Variants in ABCB8 observed in about 807,000 individuals in gnomAD.
The protein encoded by ABCB8 is mitochondrial potassium channel ATP-binding subunit.
In ABCB8, 52 loss-of-function variants were observed where a neutral mutation model predicts 73.0. The observed-to-expected ratio is 0.71, with a 90% CI of 0.57 to 0.90. The LOEUF (loss-of-function observed/expected upper bound fraction) is 0.90. Among genes scored for constraint, ABCB8 ranks in the 40% least tolerant of loss-of-function variants. ABCB8 has a pLI of 0.00. For missense variants in ABCB8, 909 were observed against 974.6 expected, an observed-to-expected ratio of 0.93 and a Z score of 0.90; for synonymous variants, 428 against 423.5, an observed-to-expected ratio of 1.01 and a Z score of -0.13.
intron 14 of ABCB8, among the ~76,000 whole-genome samples, chr7:151,042,313 C>G (rs1338587573): frequency 6.6e-6 from 1 of 152,152 alleles, no homozygotes; most frequent in African/African-American, 2.4e-5. Context: ...TGGTTCAGAA[C>G]CAGCAGACCA....
At position 151,033,899 on chromosome 7, in the gene ABCB8, C is replaced by G. The variant is rs762616916; in HGVS notation, c.390C>G (p.Val130=). The part of the protein sequence containing the change: ...FWQFLHPHLL[V]LGVAVVLALG... Reference sequence around the variant, plus strand: ...AGTTTCTGCACCCCCACCTGCTGGTCCTGGGGGTAGCCGTCGTGGTGAGGC... The same window carrying G: ...AGTTTCTGCACCCCCACCTGCTGGTGCTGGGGGTAGCCGTCGTGGTGAGGC... Residue 130 remains valine, a synonymous_variant, in exon 2 of 16, where the codon GTC becomes GTG. Transcript: ENST00000358849. 4 of 1,602,650 alleles carry G rather than the reference C, an allele frequency of 2.5e-6. No individual in the cohort carries two copies. The highest frequency in any genetic ancestry group is 8.5e-7 in the Non-Finnish European group (1 of 1,172,980).
rs752762508 is a variant in ABCB8, at chr7:151,033,931, C to T, written c.408+14C>T. The T allele has an allele frequency of 9.5e-6, 15 of 1,571,554 alleles. No homozygotes were observed. Among genetic ancestry groups the T allele is most frequent in the Non-Finnish European group, 1.3e-5 (15 of 1,158,432 alleles). ...GTAGCCGTCGTGGTGAGGCTTTCCC[C>T]ACTTCTCCATCCTGGGGACAGGGCA... On this transcript the variant is annotated intron_variant, in intron 2 of 15. Coordinates refer to ENST00000358849, the MANE Select transcript of ABCB8 (RefSeq NM_007188.5).
chr7:151,040,377 A>T, intron 10 of ABCB8, 76 bp downstream of exon 10: 1 of 1,596,726 alleles, frequency 6.3e-7, no homozygotes, highest in Non-Finnish European at 8.5e-7. Context: ...CTGCCTATTG[A>T]CTGGGTGTGG....
intron 1 of ABCB8, chr7:151,028,884 C>G: frequency 6.6e-7 from 1 of 1,505,294 alleles, no homozygotes; most frequent in South Asian, 1.2e-5. Context: ...GCACTCCCGA[C>G]CGGGGGTCCC....
chr7:151,043,565 A>G (rs1413411088), intron 14 of ABCB8, among the ~76,000 whole-genome samples: 12 of 112,548 alleles, frequency 1.1e-4, no homozygotes, highest in South Asian at 3.2e-4. Context: ...AGGGTCAGAG[A>G]CAGGACTAGG....
chr7:151,028,793 G>A (rs1192975436), intron 1 of ABCB8, 183 bp downstream of exon 1: 4 of 1,545,248 alleles, frequency 2.6e-6, no homozygotes, highest in African/African-American at 1.4e-5. Flanking sequence ...CACTCCAGTC[G>A]CCAGCAGGAG....
At chr7:151,040,019 C>T in intron 9 of ABCB8, 1 of 499,636 alleles carries the variant, frequency 2.0e-6, no homozygotes. Context: ...TCGTGGAGCA[C>T]CCCCTCCCAG....
chr7:151,039,637 A>C (rs999080297), intron 9 of ABCB8: 2 of 152,338 alleles, frequency 1.3e-5, no homozygotes, highest in African/African-American at 4.8e-5. Context: ...CTCATGAGAA[A>C]AATTTTTTTC....
chr7:151,037,514 C>T, intron 9 of ABCB8: 1 of 597,130 alleles, frequency 1.7e-6, no homozygotes, highest in Non-Finnish European at 3.0e-6. Flanking sequence ...TATCTCTTTC[C>T]AAGCTAAACA....
rs1796584107 is a variant in ABCB8, at chr7:151,045,281, G to T, written c.2089G>T (p.Ala697Ser). The T allele has an allele frequency of 1.2e-6, 2 of 1,605,416 alleles. No individual in the cohort carries two copies. Among genetic ancestry groups the T allele is most frequent in the Admixed American group, 3.4e-5 (2 of 59,046 alleles). The change falls in exon 16 of 16, where the codon GCC becomes TCC. Residue 697 changes from alanine to serine, a missense_variant. Transcript: ENST00000358849. ...GCTCATCCGGAGGCAGGCCCTGGAT[G>T]CCCCGAGGACAGCGGCCCCACCGCC... ...AELIRRQALD[A>S]PRTAAPPPKK...
In ABCB8 at chr7:151,031,372, G is replaced by A. The variant is rs111797986; in HGVS notation, c.96-2233G>A. The A allele has an allele frequency of 1.1e-3, 1,706 of 1,502,960 alleles. 16 individuals are homozygous for A. The African/African-American group carries it at 0.021, about 19-fold the overall frequency. 93.1% of individuals were successfully genotyped at this position (1,502,960 alleles called of 1,614,324 possible). A position where few individuals can be genotyped will look rare whatever the true frequency, so the allele number is the denominator to read the frequency against. On this transcript the variant is annotated intron_variant, in intron 1 of 15. Transcript: ENST00000358849. ...AAAACCTGGCAGTTGGAATGGGGTG[G>A]GAGAAGGCCTCATGTAGGCAAAAGG... is the stretch of plus-strand genomic sequence containing the variant.
chr7:151,029,360 ACT>A (rs1276184624), intron 1 of ABCB8, among the ~76,000 whole-genome samples: 2 of 151,718 alleles, frequency 1.3e-5, no homozygotes, highest in African/African-American at 4.9e-5. Context: ...TTCGCAAAAC[ACT>A]CTACACAGGT....
chr7:151,030,251 C>T (rs981109161), intron 1 of ABCB8, among the ~76,000 whole-genome samples: 8 of 152,350 alleles, frequency 5.3e-5, no homozygotes, highest in East Asian at 3.9e-4. Context: ...CACGGTGGCT[C>T]ACGCCTGTAA....
At position 151,036,190 on chromosome 7, in the gene ABCB8, G is replaced by A. The variant is rs756142033; in HGVS notation, c.1111+20G>A. The A allele has an allele frequency of 6.3e-7, 1 of 1,587,276 alleles. No individual in the cohort carries two copies. Among genetic ancestry groups the A allele is most frequent in the African/African-American group, 1.3e-5 (1 of 74,520 alleles). On this transcript the variant is annotated intron_variant, in intron 8 of 15. Transcript: ENST00000358849. The stretch of plus-strand genomic sequence containing the variant: ...TCAACTGTGAGTGAGCCATTTGGGG[G>A]CTGGAGGGGCGCTTGTGGGCTGGGG...
At position 151,045,898 on chromosome 7, in the gene ABCB8, G is replaced by A. The variant is rs4148853; in HGVS notation, c.*549G>A. The A allele has an allele frequency of 0.21, 31,512 of 152,234 alleles. 3,603 individuals are homozygous for A. Among genetic ancestry groups the A allele is most frequent in the Admixed American group, 0.35 (5,387 of 15,292 alleles). 9.4% of individuals were successfully genotyped at this position (152,234 alleles called of 1,614,324 possible). On this transcript the variant is annotated 3_prime_UTR_variant, in exon 16 of 16. Coordinates refer to ENST00000358849, the MANE Select transcript of ABCB8 (RefSeq NM_007188.5). Reference sequence around the variant, plus strand: ...AGGAGCCTATCCCCTGGCTCACCCCGGGACCCACAGTCCCCATCTTCCAAA... The same window carrying A: ...AGGAGCCTATCCCCTGGCTCACCCCAGGACCCACAGTCCCCATCTTCCAAA...
chr7:151,040,447 G>A (rs1796424380), intron 10 of ABCB8, 51 bp from the exon 11 acceptor site: 4 of 1,584,562 alleles, frequency 2.5e-6, no homozygotes, highest in South Asian at 2.3e-5. Context: ...TGGAGATGCT[G>A]TTGTCACCCC....
At chr7:151,030,662 G>T (rs537037518) in intron 1 of ABCB8, among the ~76,000 whole-genome samples, 2 of 150,752 alleles carry the variant, frequency 1.3e-5, no homozygotes, top group African/African-American at 4.9e-5. Flanking sequence ...AAACTTAGCC[G>T]GGTGCGTTGG....
At position 151,046,085 on chromosome 7, in the gene ABCB8, C is replaced by T. The variant is rs1226029159; in HGVS notation, c.*736C>T. On this transcript the variant is annotated 3_prime_UTR_variant, in exon 16 of 16. Coordinates refer to ENST00000358849, the MANE Select transcript of ABCB8 (RefSeq NM_007188.5). ...GCCAGTTCCCACGAGAAGCGCCAGC[C>T]TGCCTGGCTGTCTTCCACCGGCCCT... is the stretch of plus-strand genomic sequence containing the variant. The T allele has an allele frequency of 1.3e-5, 2 of 152,306 alleles. No individual in the cohort carries two copies. Among genetic ancestry groups the T allele is most frequent in the Non-Finnish European group, 2.9e-5 (2 of 68,082 alleles). 9.4% of individuals were successfully genotyped at this position (152,306 alleles called of 1,614,324 possible).
intron 15 of ABCB8, among the ~76,000 whole-genome samples, chr7:151,044,779 T>G (rs964807787): frequency 6.6e-6 from 1 of 152,150 alleles, no homozygotes; most frequent in Non-Finnish European, 1.5e-5. Flanking sequence ...AGTATGGTGC[T>G]GGGAGCAAGG....
Sources: gnomAD v4.1 joint callset for allele counts (sites outside exome capture counted in the v4.1 genomes callset) on GRCh38, gnomAD v4.1.1 for gene constraint, MANE v1.5 for transcripts, NCBI Gene and HGNC (gene_info 2026-07-23, HGNC 2026-07-21) for gene names.